ALMS1: variants seen among roughly 807,000 people sequenced by gnomAD.
The protein encoded by ALMS1 is centrosome-associated protein ALMS1.
In ALMS1, 271 loss-of-function variants were observed where a neutral mutation model predicts 352.2. That is an observed-to-expected ratio of 0.77 (90% CI 0.70 to 0.85). The LOEUF (loss-of-function observed/expected upper bound fraction) is 0.85, where lower values mean the gene tolerates loss of function less well. ALMS1 is among the 40% of genes least tolerant of loss of function. ALMS1 has a pLI of 0.00. For synonymous variants in ALMS1, 1,865 were observed against 1,761.2 expected (o/e 1.06, Z -1.48); for missense variants, 5,445 against 4,870.7 (o/e 1.12, Z -3.51).
chr2:73,443,335 C>T (rs1671752489), intron 7 of ALMS1, among the ~76,000 whole-genome samples: 1 of 152,170 alleles, frequency 6.6e-6, no homozygotes, highest in Non-Finnish European at 1.5e-5. Flanking sequence ...CTCTTGTCTC[C>T]TTGATCTCAT....
At chr2:73,485,287 T>C (rs1672808427) in intron 9 of ALMS1, among the ~76,000 whole-genome samples, 1 of 152,212 alleles carries the variant, frequency 6.6e-6, no homozygotes, top group Admixed American at 6.5e-5. Context: ...TAATTTTCCT[T>C]CTAACAGACA....
Position 73,454,082 on chromosome 2 carries a change from T to G in ALMS1, c.7540+15T>G, listed in dbSNP as rs1451671691. ...ACGAGCACATGGTAAGAAGAAAGTT[T>G]CAGGCTTATAAACGTTATAGTTTAA... On this transcript the variant is annotated intron_variant, in intron 8 of 22. Coordinates refer to ENST00000613296, the MANE Select transcript of ALMS1 (RefSeq NM_001378454.1). 1.9e-6 allele frequency: 3 copies of G among 1,597,988 alleles called. No individual in the cohort carries two copies. The highest frequency in any genetic ancestry group is 2.7e-5 in the African/African-American group (2 of 74,062).
chr2:73,446,215 G>T (rs560668266), intron 7 of ALMS1, among the ~76,000 whole-genome samples: 33 of 152,150 alleles, frequency 2.2e-4, no homozygotes, highest in African/African-American at 7.7e-4. Flanking sequence ...ATGTAACCTG[G>T]ATCTTTCAAG....
At chr2:73,528,230 A>G (rs1356943245) in intron 11 of ALMS1, among the ~76,000 whole-genome samples, 1 of 152,162 alleles carries the variant, frequency 6.6e-6, no homozygotes, top group African/African-American at 2.4e-5. Context: ...CAGCCGTTGG[A>G]TGAAATGTTC....
chr2:73,514,564 A>G (rs1673518211), intron 10 of ALMS1, among the ~76,000 whole-genome samples: 1 of 152,176 alleles, frequency 6.6e-6, no homozygotes, highest in Admixed American at 6.5e-5. Context: ...ATATATGTAT[A>G]TAAGAAATAT....
intron 1 of ALMS1, among the ~76,000 whole-genome samples, chr2:73,403,367 C>T (rs1437039881): frequency 6.6e-6 from 1 of 152,154 alleles, no homozygotes; most frequent in East Asian, 1.9e-4. Context: ...TTTTCTCTCT[C>T]TATTCTGTTC....
intron 9 of ALMS1, chr2:73,459,049 T>C (rs1307665919): frequency 6.6e-6 from 1 of 152,218 alleles, no homozygotes; most frequent in East Asian, 1.9e-4. Flanking sequence ...TACTTCAGTG[T>C]TTGTCATGTT....
chr2:73,409,544 C>T (rs1270927556), intron 2 of ALMS1, among the ~76,000 whole-genome samples: 2 of 151,928 alleles, frequency 1.3e-5, no homozygotes, highest in Non-Finnish European at 2.9e-5. Flanking sequence ...AAGAACAAAC[C>T]TATTACATAT....
Position 73,600,896 on chromosome 2 carries a change from C to T in ALMS1, c.11872+15C>T. 2 of 1,609,652 alleles carry T rather than the reference C, an allele frequency of 1.2e-6. No homozygotes were observed. Among genetic ancestry groups the T allele is most frequent in the African/African-American group, 1.3e-5 (1 of 74,806 alleles). On this transcript the variant is annotated intron_variant, in intron 18 of 22. Transcript: ENST00000613296. The stretch of plus-strand genomic sequence containing the variant: ...TTCCCATGAAGGTCAGTTTCTCATT[C>T]CAGATCTTGTAGTAGAGAAACTAGT...
intron 9 of ALMS1, chr2:73,459,300 A>C (rs535293407): frequency 6.6e-6 from 1 of 152,266 alleles, no homozygotes; most frequent in South Asian, 2.1e-4. Flanking sequence ...TGTAATGTTA[A>C]CTCATACCAC....
chr2:73,462,945 A>G (rs1054245208), intron 9 of ALMS1: 2 of 152,196 alleles, frequency 1.3e-5, no homozygotes, highest in Non-Finnish European at 2.9e-5. Flanking sequence ...AGGAGCACCC[A>G]GATTCATAAA....
intron 10 of ALMS1, among the ~76,000 whole-genome samples, 160 bp downstream of exon 10, chr2:73,491,658 TTAAG>T (rs1382694742): frequency 6.6e-6 from 1 of 152,064 alleles, no homozygotes; most frequent in Non-Finnish European, 1.5e-5. Context: ...AATAAATGTG[TTAAG>T]TAAGAGAGAA....
chr2:73,402,962 A>G (rs1670901656), intron 1 of ALMS1, among the ~76,000 whole-genome samples: 1 of 152,102 alleles, frequency 6.6e-6, no homozygotes, highest in African/African-American at 2.4e-5. Flanking sequence ...TGGTTTGCAG[A>G]TATTTTCTCA....
rs1331536137 is a variant in ALMS1 at position 73,385,902 on chromosome 2, CTGGA to C, written c.35_38del (p.Leu12ArgfsTer28). The C allele has an allele frequency of 1.3e-6, 1 of 751,346 alleles. No individual in the cohort carries two copies. Among genetic ancestry groups the C allele is most frequent in the African/African-American group, 2.4e-5 (1 of 40,978 alleles). 46.5% of individuals were successfully genotyped at this position (751,346 alleles called of 1,614,324 possible). On this transcript the variant is annotated frameshift_variant, in exon 1 of 23. Coordinates refer to ENST00000613296, the MANE Select transcript of ALMS1 (RefSeq NM_001378454.1). LOFTEE classifies it high-confidence loss of function. ...CGAGGATCTGCCATGGCCGGGCGAG[CTGGA>C]GGAGGAGGAGGAGGAGGAGGAGGAG...
Position 73,490,656 on chromosome 2 carries a change from T to C in ALMS1, c.8697T>C (p.His2899=), listed in dbSNP as rs1280810980. Residue 2899 remains histidine, a synonymous_variant, in exon 10 of 23, where the codon CAT becomes CAC. Transcript: ENST00000613296. ...EQSKAPRADD[H]VRKHHSPSPQ... ...GCAAAGCCCCACGTGCAGATGACCA[T>C]GTGAGGAAACACCATTCTCCCTCTC... is the stretch of plus-strand genomic sequence containing the variant. 3.1e-6 allele frequency: 5 copies of C among 1,613,980 alleles called. No homozygotes were observed. Among genetic ancestry groups the C allele is most frequent in the Non-Finnish European group, 4.2e-6 (5 of 1,179,976 alleles).
At chr2:73,501,635 CT>C (rs1170666679) in intron 10 of ALMS1, among the ~76,000 whole-genome samples, 1 of 152,068 alleles carries the variant, frequency 6.6e-6, no homozygotes, top group African/African-American at 2.4e-5. Context: ...AGTTTCTACT[CT>C]GTTTCTTTGT....
At position 73,573,137 on chromosome 2, in the gene ALMS1, C is replaced by G. The variant is rs1286673782; in HGVS notation, c.11260C>G (p.Leu3754Val). ...GCTCACAGATACTACCACCAACATC[C>G]TTTCCGGCACCACTTCTACTGTCGA... ...ELLTDTTTNI[L>V]SGTTSTVESD... The change falls in exon 16 of 23, where the codon CTT becomes GTT. Residue 3754 changes from leucine to valine, a missense_variant. Leu to Val is a conservative substitution (Grantham distance 32). Coordinates refer to ENST00000613296, the MANE Select transcript of ALMS1 (RefSeq NM_001378454.1). 13 of 1,613,840 alleles carry G rather than the reference C, an allele frequency of 8.1e-6. No individual in the cohort carries two copies. Among genetic ancestry groups the G allele is most frequent in the African/African-American group, 1.3e-5 (1 of 74,914 alleles).
chr2:73,556,922 G>A (rs1442662919), intron 13 of ALMS1, among the ~76,000 whole-genome samples: 3 of 151,864 alleles, frequency 2.0e-5, no homozygotes, highest in South Asian at 2.1e-4. Flanking sequence ...GGCTGGTCTC[G>A]AACTCCTGAC....
chr2:73,601,548 T>A, intron 19 of ALMS1, 112 bp downstream of exon 19: 1 of 1,491,238 alleles, frequency 6.7e-7, no homozygotes, highest in Non-Finnish European at 9.1e-7. Context: ...GAGACGCTCT[T>A]TTCCAGCACC....
Sources: allele counts gnomAD v4.1 joint callset (sites outside exome capture counted in the v4.1 genomes callset), GRCh38; gene constraint gnomAD v4.1.1; transcripts MANE v1.5; gene names NCBI Gene and HGNC (gene_info 2026-07-23, HGNC 2026-07-21).